Variants in PKHD1 observed in about 807,000 individuals in gnomAD.
PKHD1 encodes fibrocystin.
In PKHD1, 291 loss-of-function variants were observed where a neutral mutation model predicts 412.0. The ratio of observed to expected loss-of-function variants is 0.71; its 90% CI spans 0.64 to 0.78. The LOEUF is 0.78. PKHD1 is among the 30% of genes least tolerant of loss of function. The pLI is 0.00. For synonymous variants in PKHD1, 1,777 were observed against 1,821.5 expected (o/e 0.98, Z 0.62); for missense variants, 4,825 against 4,950.7 (o/e 0.97, Z 0.76).
At chr6:51,702,579 T>C (rs1240505805) in intron 60 of PKHD1, among the ~76,000 whole-genome samples, 7 of 151,758 alleles carry the variant, frequency 4.6e-5, no homozygotes, top group Non-Finnish European at 5.9e-5. Flanking sequence ...AATAATGAAA[T>C]TACCAAGTGT....
intron 60 of PKHD1, among the ~76,000 whole-genome samples, chr6:51,735,049 C>T (rs577491172): frequency 9.2e-5 from 14 of 152,166 alleles, no homozygotes; most frequent in African/African-American, 3.1e-4. Context: ...GTTATAGCAT[C>T]GCCCTTCAAA....
At chr6:52,044,215 AG>A (rs1211902046) in intron 25 of PKHD1, among the ~76,000 whole-genome samples, 1 of 152,224 alleles carries the variant, frequency 6.6e-6, no homozygotes, top group Non-Finnish European at 1.5e-5. Context: ...AGATTCCTAA[AG>A]AGAGACTATA....
chr6:51,762,050 C>T (rs1788105008), intron 55 of PKHD1, among the ~76,000 whole-genome samples: 1 of 152,012 alleles, frequency 6.6e-6, no homozygotes, highest in South Asian at 2.1e-4. Flanking sequence ...ATCTTTACTC[C>T]TCCATCACTG....
chr6:51,948,063 C>T (rs960500055), intron 36 of PKHD1, among the ~76,000 whole-genome samples: 5 of 152,072 alleles, frequency 3.3e-5, no homozygotes, highest in South Asian at 2.1e-4. Flanking sequence ...ACCTTCAAAA[C>T]GTCCCCTATA....
chr6:51,969,573 A>G (rs1793353832), intron 35 of PKHD1, among the ~76,000 whole-genome samples: 1 of 152,112 alleles, frequency 6.6e-6, no homozygotes, highest in South Asian at 2.1e-4. Flanking sequence ...CACCCTTCTA[A>G]GCCTCCAGTG....
intron 35 of PKHD1, among the ~76,000 whole-genome samples, chr6:51,998,068 T>G (rs1005456107): frequency 1.3e-5 from 2 of 152,184 alleles, no homozygotes; most frequent in African/African-American, 4.8e-5. Context: ...TGGCGATAAA[T>G]AATCCCAAGT....
intron 46 of PKHD1, 76 bp downstream of exon 46, chr6:51,883,017 C>T: frequency 3.6e-6 from 4 of 1,121,800 alleles, no homozygotes; most frequent in Non-Finnish European, 5.4e-6. Flanking sequence ...ATTGCATATC[C>T]TGGATCATCA....
rs75629997 is a variant in PKHD1, at chr6:52,030,719, G to A, written c.3364+2311C>T. Among the ~76,000 whole-genome samples, 431 of 152,218 alleles carry A rather than the reference G, an allele frequency of 2.8e-3. 4 individuals carry two copies. The highest frequency in any genetic ancestry group is 9.5e-3 in the African/African-American group (393 of 41,532). On this transcript the variant is annotated intron_variant, in intron 29 of 66. Transcript: ENST00000371117. ...AGAGAGGGGGGTTCTGTGTCCAGAT[G>A]ATGTCACTCAGCAGCCTGGTGGGTA...
At chr6:51,991,009 A>G (rs1562076583) in intron 35 of PKHD1, among the ~76,000 whole-genome samples, 3 of 152,212 alleles carry the variant, frequency 2.0e-5, no homozygotes, top group Admixed American at 6.5e-5. Context: ...TCACATATAA[A>G]TGTTCAATGT....
intron 63 of PKHD1, among the ~76,000 whole-genome samples, chr6:51,639,175 C>A (rs1769002504): frequency 6.6e-6 from 1 of 152,078 alleles, no homozygotes; most frequent in African/African-American, 2.4e-5. Context: ...CTATGCCAGA[C>A]ACTGTTCTAT....
intron 63 of PKHD1, among the ~76,000 whole-genome samples, chr6:51,645,057 G>A (rs746132827): frequency 5.9e-5 from 9 of 152,006 alleles, no homozygotes; most frequent in Non-Finnish European, 1.3e-4. Flanking sequence ...ATTATAAAAA[G>A]GTACATATAC....
At chr6:51,657,828 C>G (rs894925985) in intron 61 of PKHD1, among the ~76,000 whole-genome samples, 1 of 152,096 alleles carries the variant, frequency 6.6e-6, no homozygotes, top group Non-Finnish European at 1.5e-5. Context: ...ACAATATTAA[C>G]TGAGTCGTCT....
chr6:51,794,940 G>A (rs6906352), intron 52 of PKHD1, among the ~76,000 whole-genome samples: 89,825 of 151,906 alleles, frequency 0.59, 27,212 homozygotes, highest in East Asian at 0.83. Flanking sequence ...GTAGCCCTGC[G>A]GTATAAAGTT....
At chr6:51,684,782 G>C (rs1777194669) in intron 60 of PKHD1, among the ~76,000 whole-genome samples, 1 of 152,142 alleles carries the variant, frequency 6.6e-6, no homozygotes, top group Non-Finnish European at 1.5e-5. Context: ...GAAGGTACAA[G>C]CAGCTGGTTT....
chr6:51,956,082 A>T (rs1561979750), intron 36 of PKHD1, among the ~76,000 whole-genome samples: 1 of 152,044 alleles, frequency 6.6e-6, no homozygotes, highest in Non-Finnish European at 1.5e-5. Context: ...GTTTACAGCT[A>T]TGTTACATTG....
In PKHD1 at chr6:51,689,914, C is replaced by A. The variant is rs975020271; in HGVS notation, c.10157-29945G>T. Among the ~76,000 whole-genome samples, 3 of 152,142 alleles carry A rather than the reference C, an allele frequency of 2.0e-5. No individual in the cohort carries two copies. The South Asian group carries it at 6.2e-4, about 32-fold the overall frequency. On this transcript the variant is annotated intron_variant, in intron 60 of 66. Coordinates refer to ENST00000371117, the MANE Select transcript of PKHD1 (RefSeq NM_138694.4). ...AATCAATATTGTTAATATGGCCATA[C>A]TGCCCAGAGCAATTTATAGATTCAA...
chr6:51,993,510 C>T (rs961788420), intron 35 of PKHD1, among the ~76,000 whole-genome samples: 1 of 152,114 alleles, frequency 6.6e-6, no homozygotes, highest in Non-Finnish European at 1.5e-5. Context: ...TTACATTATA[C>T]ACAGATGCAA....
rs575365697 is a variant in PKHD1, at chr6:51,858,605, GGATTTATTTAAATAAATCTTGT to G, written c.7734-2557_7734-2536del. 6.5e-3 allele frequency among the ~76,000 whole-genome samples: 988 copies of G among 151,976 alleles called. 10 individuals are homozygous for G. Among genetic ancestry groups the G allele is most frequent in the Non-Finnish European group, 1.0e-2 (678 of 67,942 alleles). ...AGTTTTTACTGAGACATATGGGCTT[GGATTTATTTAAATAAATCTTGT>G]GATTTATTTAAATCACAAGACCTAA... On this transcript the variant is annotated intron_variant, in intron 48 of 66. Transcript: ENST00000371117.
intron 45 of PKHD1, among the ~76,000 whole-genome samples, chr6:51,883,791 G>C (rs1562527700): frequency 6.6e-6 from 1 of 152,138 alleles, no homozygotes; most frequent in Non-Finnish European, 1.5e-5. Context: ...CCCCGAAAAA[G>C]CATGTTTTGG....
Sources: gnomAD v4.1 joint callset for allele counts (sites outside exome capture counted in the v4.1 genomes callset) on GRCh38, gnomAD v4.1.1 for gene constraint, MANE v1.5 for transcripts, NCBI Gene and HGNC (gene_info 2026-07-23, HGNC 2026-07-21) for gene names.